TJP1: variants seen among roughly 807,000 people sequenced by gnomAD.
The protein encoded by TJP1 is tight junction protein 1, also known as tight junction protein ZO-1.
TJP1 carries 43 observed loss-of-function variants against 194.2 expected under a neutral mutation model. The ratio of observed to expected loss-of-function variants is 0.22; its 90% CI spans 0.17 to 0.29. The LOEUF (loss-of-function observed/expected upper bound fraction) is 0.29. TJP1 is among the 10% of genes least tolerant of loss of function. The probability of loss-of-function intolerance (pLI) is 1.00; values close to 1 mark genes in which losing one functional copy is unlikely to be tolerated. For missense variants in TJP1, 1,971 were observed against 2,185.7 expected (o/e 0.90, Z 1.96); for synonymous variants, 801 against 779.0 (o/e 1.03, Z -0.47).
intron 2 of TJP1, among the ~76,000 whole-genome samples, chr15:29,950,161 CACCACAACCACT>C (rs1192207655): frequency 1.7e-5 from 2 of 117,524 alleles, no homozygotes; most frequent in African/African-American, 3.1e-5. Flanking sequence ...CCTCCACCAC[CACCACAACCACT>C]ACCTCCACCT....
intron 8 of TJP1, chr15:29,758,788 CA>C (rs1195912522): frequency 6.6e-6 from 1 of 152,026 alleles, no homozygotes; most frequent in Non-Finnish European, 1.5e-5. Context: ...TTAACTGCAG[CA>C]ATTAAAAATC....
intron 2 of TJP1, among the ~76,000 whole-genome samples, chr15:29,852,268 C>G (rs1567134589): frequency 6.6e-6 from 1 of 152,146 alleles, no homozygotes. Context: ...TAAAATTCAA[C>G]TGTAAAAAAA....
chr15:29,807,480 T>A (rs1337853518), intron 1 of TJP1, among the ~76,000 whole-genome samples: 1 of 152,172 alleles, frequency 6.6e-6, no homozygotes. Flanking sequence ...TCTCTCACAA[T>A]TTATTCAGGT....
At chr15:29,825,617 CA>C (rs1257934219), upstream of TJP1, among the ~76,000 whole-genome samples, 2 of 151,974 alleles carry the variant, frequency 1.3e-5, no homozygotes, top group Non-Finnish European at 2.9e-5. Context: ...GTTTTAATTG[CA>C]AAAAAGATCC....
chr15:29,907,794 G>A (rs954723006), intron 2 of TJP1, among the ~76,000 whole-genome samples: 9 of 151,684 alleles, frequency 5.9e-5, no homozygotes, highest in Non-Finnish European at 8.8e-5. Context: ...CCAGGTTCCC[G>A]CGACCTCTTT....
intron 2 of TJP1, among the ~76,000 whole-genome samples, chr15:29,793,423 T>C (rs190062856): frequency 3.0e-4 from 46 of 152,342 alleles, no homozygotes; most frequent in Non-Finnish European, 5.9e-4. Flanking sequence ...ATGTATTAGG[T>C]GGTTCTCACA....
At chr15:29,863,684 T>G (rs181967668) in intron 2 of TJP1, among the ~76,000 whole-genome samples, 66 of 152,250 alleles carry the variant, frequency 4.3e-4, no homozygotes, top group African/African-American at 1.5e-3. Context: ...GAAGAGCACA[T>G]GTACTCTCAG....
chr15:29,820,153 T>C (rs1157283787), intron 1 of TJP1, among the ~76,000 whole-genome samples: 1 of 150,040 alleles, frequency 6.7e-6, no homozygotes, highest in East Asian at 1.9e-4. Context: ...TCCAAATTAA[T>C]GTTGCCTTTT....
At chr15:29,954,524 A>C (rs1394789665) in intron 2 of TJP1, among the ~76,000 whole-genome samples, 2 of 152,212 alleles carry the variant, frequency 1.3e-5, no homozygotes, top group Non-Finnish European at 2.9e-5. Context: ...TTTGAAAAGC[A>C]ATTCACTTCA....
intron 1 of TJP1, among the ~76,000 whole-genome samples, chr15:29,821,765 G>T (rs1253095805): frequency 1.3e-5 from 2 of 150,898 alleles, no homozygotes; most frequent in South Asian, 4.2e-4. Flanking sequence ...CAGTACGGCG[G>T]CCGGGCGCCC....
intron 11 of TJP1, among the ~76,000 whole-genome samples, chr15:29,736,841 T>C (rs1438792003): frequency 6.6e-6 from 1 of 152,180 alleles, no homozygotes; most frequent in African/African-American, 2.4e-5. Flanking sequence ...GTTGTGTGGA[T>C]TGCTTCAAGA....
At position 29,733,107 on chromosome 15, in the gene TJP1, G is replaced by T; in HGVS notation, c.1723C>A (p.Pro575Thr). ...NHKEVERGII[P>T]NKNRAEQLAS... ...AAGCATTCATACCTGTTCTTATTAG[G>T]GATGATGCCTCGTTCTACCTCCTTA... The change falls in exon 13 of 28, where the codon CCT (proline) becomes ACT (threonine). Residue 575 changes from proline (P) to threonine (T), a missense_variant. Transcript: ENST00000614355. 1 of 1,613,846 alleles carries T rather than the reference G, an allele frequency of 6.2e-7. No homozygotes were observed. Among genetic ancestry groups the T allele is most frequent in the Non-Finnish European group, 8.5e-7 (1 of 1,179,898 alleles).
intron 17 of TJP1, 150 bp downstream of exon 17, chr15:29,726,631 C>A: frequency 2.7e-6 from 3 of 1,128,092 alleles, no homozygotes; most frequent in Non-Finnish European, 3.8e-6. Flanking sequence ...TGTATATTTT[C>A]TTTTAACCAA....
chr15:29,925,456 C>T (rs539734781), intron 2 of TJP1, among the ~76,000 whole-genome samples: 19 of 152,150 alleles, frequency 1.2e-4, no homozygotes, highest in African/African-American at 3.9e-4. Flanking sequence ...GACACTCAGG[C>T]GCTACTCCTC....
intron 23 of TJP1, among the ~76,000 whole-genome samples, chr15:29,715,403 GAA>G (rs2042503480): frequency 6.6e-6 from 1 of 152,138 alleles, no homozygotes; most frequent in Non-Finnish European, 1.5e-5. Context: ...ATAGGACAGT[GAA>G]AAAAGTCTTC....
intron 2 of TJP1, among the ~76,000 whole-genome samples, chr15:29,921,425 C>T (rs1233829596): frequency 6.6e-6 from 1 of 152,198 alleles, no homozygotes; most frequent in Non-Finnish European, 1.5e-5. Flanking sequence ...GCCCCCTCAG[C>T]ACCTTCCCTG....
At chr15:29,832,502 A>T (rs2050868134) in intron 2 of TJP1, among the ~76,000 whole-genome samples, 1 of 152,254 alleles carries the variant, frequency 6.6e-6, no homozygotes, top group South Asian at 2.1e-4. Context: ...TGACTGATAC[A>T]TAAGGATAAA....
Position 29,708,631 on chromosome 15 carries a change from A to G in TJP1, c.4778T>C (p.Phe1593Ser). Reference sequence around the variant, plus strand: ...TTTAGGCTTCTCTGCATGGATAGAGAAAGTTTCAACTCCACTGTCAAACTC... The same window carrying G: ...TTTAGGCTTCTCTGCATGGATAGAGGAAGTTTCAACTCCACTGTCAAACTC... ...PPEFDSGVETFSIHAEKPKYQ... is the reference protein window; with the variant it reads ...PPEFDSGVETSSIHAEKPKYQ... Residue 1593 changes from phenylalanine to serine, a missense_variant, in exon 25 of 28, where the codon TTC (phenylalanine) becomes TCC (serine). This residue lies in a region of TJP1 where 1,108 missense variants were observed against 1,128.5 expected (regional missense o/e 0.98). Coordinates refer to ENST00000614355, the MANE Select transcript of TJP1 (RefSeq NM_001330239.4). 1 of 1,614,194 alleles carries G rather than the reference A, an allele frequency of 6.2e-7. No homozygotes were observed. The highest frequency in any genetic ancestry group is 8.5e-7 in the Non-Finnish European group (1 of 1,180,018).
chr15:29,753,086 C>T (rs2045394948), intron 8 of TJP1, among the ~76,000 whole-genome samples: 1 of 152,206 alleles, frequency 6.6e-6, no homozygotes, highest in South Asian at 2.1e-4. Flanking sequence ...CTCTTTATAG[C>T]ATTTAACCAC....
Sources: allele counts gnomAD v4.1 joint callset (sites outside exome capture counted in the v4.1 genomes callset), GRCh38; gene constraint gnomAD v4.1.1; regional missense constraint gnomAD v4.1.1; transcripts MANE v1.5; gene names NCBI Gene and HGNC (gene_info 2026-07-23, HGNC 2026-07-21).